Variants in MTRFR observed in about 807,000 individuals in gnomAD.
MTRFR encodes mitochondrial translation release factor in rescue, also known as probable peptide chain release factor C12orf65, mitochondrial.
Under a neutral mutation model 11.9 loss-of-function variants are expected in MTRFR, and 10 were observed. The observed-to-expected ratio is 0.84, with a 90% CI of 0.52 to 1.42. The LOEUF (loss-of-function observed/expected upper bound fraction) is 1.42, where lower values mean the gene tolerates loss of function less well. Ranked by LOEUF, MTRFR falls within the 40% of genes most tolerant of loss-of-function variation. MTRFR has a pLI of 0.00. For missense variants in MTRFR, 196 were observed against 197.9 expected (o/e 0.99, Z 0.06); for synonymous variants, 77 against 79.1 (o/e 0.97, Z 0.14).
chr12:123,253,070 A>ATTTTTTTTTTTTTT (rs71085872), intron 1 of MTRFR, among the ~76,000 whole-genome samples: 1 of 34,844 alleles, frequency 2.9e-5, no homozygotes. Flanking sequence ...GTTCCTTTGA[A>ATTTTTTTTTTTTTT]TTTTTTTTTT....
chr12:123,234,657 A>G (rs1161835104), intron 1 of MTRFR, among the ~76,000 whole-genome samples: 1 of 152,190 alleles, frequency 6.6e-6, no homozygotes, highest in Non-Finnish European at 1.5e-5. Context: ...TCGGCCACCC[A>G]AAGTGCTGGG....
chr12:123,234,424 C>A lies in MTRFR; in HGVS notation c.-29+893C>A, dbSNP rs569740110. Among the ~76,000 whole-genome samples the A allele has an allele frequency of 9.9e-5, 15 of 152,052 alleles. No individual in the cohort carries two copies. The South Asian group carries it at 2.9e-3, about 29-fold the overall frequency. On this transcript the variant is annotated intron_variant, in intron 1 of 2. Transcript: ENST00000253233. ...GGGAGGGGGGTAGGGGGGACAAGGT[C>A]TCTCTCTGTCACCCAGGCTGGAGGG...
chr12:123,233,091 C>A (rs1048470973), upstream of MTRFR: 1 of 152,326 alleles, frequency 6.6e-6, no homozygotes, highest in Non-Finnish European at 1.5e-5. Context: ...GCCGCTCCCG[C>A]TGCCGATGTC....
intron 1 of MTRFR, among the ~76,000 whole-genome samples, chr12:123,244,453 AGC>A (rs1565993810): frequency 6.6e-6 from 1 of 152,118 alleles, no homozygotes; most frequent in African/African-American, 2.4e-5. Context: ...ACAAAAAAAA[AGC>A]AGCACATCTG....
At position 123,257,344 on chromosome 12, in the gene MTRFR, G is replaced by C. The variant is rs987410111; in HGVS notation, c.*313G>C. On this transcript the variant is annotated 3_prime_UTR_variant, in exon 3 of 3. Coordinates refer to ENST00000253233, the MANE Select transcript of MTRFR (RefSeq NM_152269.5). ...AGCCTGGCCAACATGGTGAAACCCC[G>C]TCTCTACTAAAAATACAAAAAATTA... 2.5e-5 allele frequency: 7 copies of C among 275,814 alleles called. No individual in the cohort carries two copies. Among genetic ancestry groups the C allele is most frequent in the Non-Finnish European group, 4.9e-5 (7 of 143,782 alleles). 17.1% of individuals were successfully genotyped at this position (275,814 alleles called of 1,614,324 possible). A position where few individuals can be genotyped will look rare whatever the true frequency, so the allele number is the denominator to read the frequency against.
Position 123,245,410 on chromosome 12 carries a change from C to T in MTRFR, c.-28-8237C>T, listed in dbSNP as rs1213583838. Among the ~76,000 whole-genome samples, 5 of 151,892 alleles carry T rather than the reference C, an allele frequency of 3.3e-5. No individual in the cohort carries two copies. The East Asian group carries it at 5.8e-4, about 18-fold the overall frequency. On this transcript the variant is annotated intron_variant, in intron 1 of 2. Transcript: ENST00000253233. ...AATTTTAGATTTTTTTTTCTAATTC[C>T]GTGAAGAATGATGGTGGTGGTATTT... is the stretch of plus-strand genomic sequence containing the variant.
intron 1 of MTRFR, among the ~76,000 whole-genome samples, chr12:123,239,051 G>A (rs979640428): frequency 6.6e-6 from 1 of 152,110 alleles, no homozygotes; most frequent in Non-Finnish European, 1.5e-5. Flanking sequence ...AAGGCAGATC[G>A]CTTGAGTTTG....
chr12:123,256,298 A>C (rs566621995), intron 2 of MTRFR, among the ~76,000 whole-genome samples: 1 of 152,360 alleles, frequency 6.6e-6, no homozygotes, highest in Non-Finnish European at 1.5e-5. Flanking sequence ...TTTGAAGGCC[A>C]CTGTTGCTTC....
In MTRFR at chr12:123,252,858, G is replaced by A. The variant is rs540823924; in HGVS notation, c.-28-789G>A. The stretch of plus-strand genomic sequence containing the variant: ...GAGAATCACTTGAACCTGGGAGGCG[G>A]AGGTTGCAGTGAGCCAAGATCGCGC... On this transcript the variant is annotated intron_variant, in intron 1 of 2. Transcript: ENST00000253233. Among the ~76,000 whole-genome samples, 128 of 151,064 alleles carry A rather than the reference G, an allele frequency of 8.5e-4. 1 individual carries two copies. The highest frequency in any genetic ancestry group is 3.0e-3 in the African/African-American group (125 of 41,188).
chr12:123,253,107 T>TTTTTTTTTTTTTTTTG lies in MTRFR; in HGVS notation c.-28-540_-28-539insTTTTTTTTTTTTTTTG, dbSNP rs766114484. Among the ~76,000 whole-genome samples the TTTTTTTTTTTTTTTTG allele has an allele frequency of 1.9e-3, 121 of 63,360 alleles. 43 individuals are homozygous for TTTTTTTTTTTTTTTTG. The highest frequency in any genetic ancestry group is 3.3e-3 in the Non-Finnish European group (96 of 29,412). The allele number at this position is 63,360 out of a possible 152,430, so 41.6% of individuals were successfully genotyped here. Reference sequence around the variant, plus strand: ...TTTTTTTTTTTTTTTTTTTTTTTTTTGAGACACTGTCTCGCTCTGTTGTCC... The same window carrying TTTTTTTTTTTTTTTTG: ...TTTTTTTTTTTTTTTTTTTTTTTTTTTTTTTTTTTTTTTTTGGAGACACTGTCTCGCTCTGTTGTCC... On this transcript the variant is annotated intron_variant, in intron 1 of 2. Coordinates refer to ENST00000253233, the MANE Select transcript of MTRFR (RefSeq NM_152269.5).
At chr12:123,248,734 T>G (rs544835189) in intron 1 of MTRFR, 3 of 152,378 alleles carry the variant, frequency 2.0e-5, no homozygotes, top group Non-Finnish European at 4.4e-5. Context: ...CGGGTTGCAC[T>G]GCTGGCTCAG....
In MTRFR at chr12:123,257,075, C is replaced by A; in HGVS notation, c.*44C>A. ...CAACTGACAGAATCTGCCAGAAGCT[C>A]CCAGGGAATAATGGTGGCGAGTTCC... On this transcript the variant is annotated 3_prime_UTR_variant, in exon 3 of 3. Coordinates refer to ENST00000253233, the MANE Select transcript of MTRFR (RefSeq NM_152269.5). 1 of 1,471,214 alleles carries A rather than the reference C, an allele frequency of 6.8e-7. No individual in the cohort carries two copies. Among genetic ancestry groups the A allele is most frequent in the Non-Finnish European group, 9.5e-7 (1 of 1,054,820 alleles). The allele number at this position is 1,471,214 out of a possible 1,614,324, so 91.1% of individuals were successfully genotyped here.
chr12:123,245,853 G>T (rs555664457), intron 1 of MTRFR, among the ~76,000 whole-genome samples: 2 of 152,132 alleles, frequency 1.3e-5, no homozygotes, highest in Non-Finnish European at 2.9e-5. Context: ...TTAGCAAACA[G>T]TGACAGCTTG....
chr12:123,243,269 G>A (rs927657321), intron 1 of MTRFR, among the ~76,000 whole-genome samples: 23 of 136,968 alleles, frequency 1.7e-4, no homozygotes, highest in African/African-American at 5.3e-4. Context: ...AATGGCTCAC[G>A]CCTGTAATCC....
rs766114484 is a variant in MTRFR, at chr12:123,253,107, T to TTTTTTTTTTTTTTTTTTG, written c.-28-540_-28-539insTTTTTTTTTTTTTTTTTG. On this transcript the variant is annotated intron_variant, in intron 1 of 2. Coordinates refer to ENST00000253233, the MANE Select transcript of MTRFR (RefSeq NM_152269.5). ...TTTTTTTTTTTTTTTTTTTTTTTTTTGAGACACTGTCTCGCTCTGTTGTCC... is the reference window on the plus strand; with the variant it reads ...TTTTTTTTTTTTTTTTTTTTTTTTTTTTTTTTTTTTTTTTTTTGGAGACACTGTCTCGCTCTGTTGTCC... 1.2e-3 allele frequency among the ~76,000 whole-genome samples: 78 copies of TTTTTTTTTTTTTTTTTTG among 63,360 alleles called. 25 individuals carry two copies. The highest frequency in any genetic ancestry group is 3.2e-3 in the Admixed American group (13 of 4,074). The allele number at this position is 63,360 out of a possible 152,430, so 41.6% of individuals were successfully genotyped here.
At chr12:123,244,421 A>G (rs2048002090) in intron 1 of MTRFR, among the ~76,000 whole-genome samples, 1 of 151,744 alleles carries the variant, frequency 6.6e-6, no homozygotes, top group Non-Finnish European at 1.5e-5. Context: ...AGCAAGAGCG[A>G]AACTCCATCT....
At chr12:123,254,026 C>A in intron 2 of MTRFR, 70 bp downstream of exon 2, 1 of 1,579,062 alleles carries the variant, frequency 6.3e-7, no homozygotes. Flanking sequence ...AGATTTCTCC[C>A]AAGTGTGAAT....
Position 123,256,823 on chromosome 12 carries a change from CAA to C in MTRFR, c.294_295del (p.Arg99IlefsTer3). ...TATTATCTCTTACAGTGCCATCAGA[CAA>C]GATCAGTTGATCAGAACAGAAAGCT... On this transcript the variant is annotated frameshift_variant, in exon 3 of 3. Transcript: ENST00000253233. LOFTEE classifies it high-confidence loss of function. 1.2e-6 allele frequency: 2 copies of C among 1,611,806 alleles called. No homozygotes were observed. Among genetic ancestry groups the C allele is most frequent in the Non-Finnish European group, 1.7e-6 (2 of 1,178,018 alleles).
chr12:123,234,141 A>G (rs990667107), intron 1 of MTRFR, among the ~76,000 whole-genome samples: 3 of 151,796 alleles, frequency 2.0e-5, no homozygotes, highest in Admixed American at 2.0e-4. Context: ...TCCCCGTGGG[A>G]CCCCAGCCCA....
Sources: allele counts gnomAD v4.1 joint callset (sites outside exome capture counted in the v4.1 genomes callset), GRCh38; gene constraint gnomAD v4.1.1; transcripts MANE v1.5; gene names NCBI Gene and HGNC (gene_info 2026-07-23, HGNC 2026-07-21).